Variants in DISC1 observed in about 807,000 individuals in gnomAD.
The protein encoded by DISC1 is DISC1 scaffold protein.
Under a neutral mutation model 84.5 loss-of-function variants are expected in DISC1, and 57 were observed. The ratio of observed to expected loss-of-function variants is 0.67; its 90% CI spans 0.55 to 0.84. DISC1 has a LOEUF of 0.84. Ranked by LOEUF, DISC1 falls within the 40% of genes least tolerant of loss-of-function variation. DISC1 has a pLI of 0.00. For missense variants in DISC1, 1,000 were observed against 1,057.8 expected (o/e 0.95, Z 0.76); for synonymous variants, 411 against 415.2 (o/e 0.99, Z 0.12).
At chr1:231,668,520 A>G (rs1256759017) in intron 1 of DISC1, among the ~76,000 whole-genome samples, 1 of 152,182 alleles carries the variant, frequency 6.6e-6, no homozygotes, top group Admixed American at 6.6e-5. Context: ...TCACAAGGAC[A>G]TGGCATGGGG....
intron 10 of DISC1, among the ~76,000 whole-genome samples, chr1:231,968,707 C>T (rs1239169837): frequency 6.6e-6 from 1 of 152,056 alleles, no homozygotes; most frequent in Non-Finnish European, 1.5e-5. Context: ...CAGTGTTGTC[C>T]ACCGCCAACT....
intron 1 of DISC1, among the ~76,000 whole-genome samples, chr1:231,676,623 C>G (rs1310525872): frequency 6.6e-6 from 1 of 152,150 alleles, no homozygotes; most frequent in Admixed American, 6.5e-5. Context: ...GTTGACATGT[C>G]TCCTATTCTC....
intron 9 of DISC1, among the ~76,000 whole-genome samples, chr1:231,919,188 G>A (rs562981048): frequency 4.6e-5 from 7 of 152,222 alleles, no homozygotes; most frequent in African/African-American, 1.4e-4. Context: ...GACAGATCAC[G>A]AGTATAATTT....
chr1:231,855,136 T>G (rs1254168590), intron 9 of DISC1: 47 of 1,010,026 alleles, frequency 4.7e-5, no homozygotes, highest in Non-Finnish European at 5.6e-5. Flanking sequence ...AAATTTTGGT[T>G]TTCAATGTTG....
intron 9 of DISC1, among the ~76,000 whole-genome samples, chr1:231,892,574 T>C (rs1302060064): frequency 6.6e-6 from 1 of 151,984 alleles, no homozygotes; most frequent in African/African-American, 2.4e-5. Context: ...AGGGTGATGA[T>C]ACTAATTGGA....
At chr1:231,669,847 T>C (rs1193380168) in intron 1 of DISC1, among the ~76,000 whole-genome samples, 1 of 152,020 alleles carries the variant, frequency 6.6e-6, no homozygotes, top group Non-Finnish European at 1.5e-5. Context: ...GGAATATCAT[T>C]TGACCCAACA....
intron 8 of DISC1, among the ~76,000 whole-genome samples, chr1:231,808,024 C>A (rs1435314593): frequency 6.6e-6 from 1 of 152,152 alleles, no homozygotes; most frequent in East Asian, 1.9e-4. Context: ...GGAAGGACTT[C>A]CAATGTATGG....
chr1:231,893,069 A>G (rs1470383234), intron 9 of DISC1, among the ~76,000 whole-genome samples: 1 of 152,188 alleles, frequency 6.6e-6, no homozygotes, highest in Non-Finnish European at 1.5e-5. Context: ...AGGTTGAGGT[A>G]GGAGAATTGC....
chr1:231,781,580 T>C lies in DISC1; in HGVS notation c.1634+10510T>C, dbSNP rs539963205. ...AAACATGAAAGCATGTGACCTATTT[T>C]AAGTCTTTCTCCTAGTCGATTTCAA... is the stretch of plus-strand genomic sequence containing the variant. On this transcript the variant is annotated intron_variant, in intron 6 of 12. Coordinates refer to ENST00000439617, the MANE Select transcript of DISC1 (RefSeq NM_018662.3). Among the ~76,000 whole-genome samples, 3 of 152,336 alleles carry C rather than the reference T, an allele frequency of 2.0e-5. No individual in the cohort carries two copies. The South Asian group carries it at 6.2e-4, about 32-fold the overall frequency.
At chr1:231,701,102 TG>T (rs1364519654) in intron 2 of DISC1, among the ~76,000 whole-genome samples, 2 of 152,148 alleles carry the variant, frequency 1.3e-5, no homozygotes, top group Non-Finnish European at 2.9e-5. Context: ...TCTACATGGC[TG>T]GGGAAGCCTC....
At chr1:231,858,807 T>TC (rs1558659085) in intron 9 of DISC1, among the ~76,000 whole-genome samples, 1 of 152,212 alleles carries the variant, frequency 6.6e-6, no homozygotes, top group Non-Finnish European at 1.5e-5. Flanking sequence ...CCTGCCTTGT[T>TC]CCCAGGTTTC....
At chr1:231,776,881 G>A (rs1230271987) in intron 6 of DISC1, among the ~76,000 whole-genome samples, 1 of 152,176 alleles carries the variant, frequency 6.6e-6, no homozygotes, top group African/African-American at 2.4e-5. Context: ...CTCAAAGAGG[G>A]TTGCGTGGAA....
chr1:232,002,571 C>T (rs61835582), intron 10 of DISC1, among the ~76,000 whole-genome samples: 1,798 of 150,114 alleles, frequency 0.012, 24 homozygotes, highest in Non-Finnish European at 0.017. Flanking sequence ...AATTGATACA[C>T]GAATCTCCAG....
intron 10 of DISC1, among the ~76,000 whole-genome samples, chr1:231,969,229 C>G (rs1011530165): frequency 3.0e-5 from 4 of 133,730 alleles, no homozygotes; most frequent in Non-Finnish European, 4.7e-5. Flanking sequence ...GCCCTTTGGC[C>G]AGCTGTTAGC....
chr1:231,831,788 C>T (rs1014358669), intron 9 of DISC1, among the ~76,000 whole-genome samples: 6 of 151,134 alleles, frequency 4.0e-5, no homozygotes, highest in East Asian at 3.9e-4. Context: ...ATTGACGTGT[C>T]GTCCTTTTGC....
At chr1:231,652,114 C>T (rs2060675705) in intron 1 of DISC1, among the ~76,000 whole-genome samples, 1 of 152,088 alleles carries the variant, frequency 6.6e-6, no homozygotes, top group African/African-American at 2.4e-5. Flanking sequence ...CAACCAGTCC[C>T]AATGAGATAA....
intron 3 of DISC1, chr1:231,722,988 T>A (rs1414534996): frequency 4.3e-6 from 5 of 1,156,844 alleles, no homozygotes; most frequent in Non-Finnish European, 5.4e-6. Flanking sequence ...GGAATTAAAC[T>A]TCGGAGGCCT....
intron 9 of DISC1, among the ~76,000 whole-genome samples, chr1:231,938,227 A>G (rs1028671024): frequency 6.6e-6 from 1 of 152,146 alleles, no homozygotes; most frequent in Non-Finnish European, 1.5e-5. Flanking sequence ...ATGGATCCCA[A>G]GGTGGGGAGA....
chr1:231,810,072 G>T (rs1192093818), intron 8 of DISC1, among the ~76,000 whole-genome samples: 4 of 152,252 alleles, frequency 2.6e-5, no homozygotes, highest in Non-Finnish European at 5.9e-5. Context: ...AAAAACTACT[G>T]AATGATTAAA....
Sources: gnomAD v4.1 joint callset for allele counts (sites outside exome capture counted in the v4.1 genomes callset) on GRCh38, gnomAD v4.1.1 for gene constraint, MANE v1.5 for transcripts, NCBI Gene and HGNC (gene_info 2026-07-23, HGNC 2026-07-21) for gene names.